Variants in WWOX observed in about 807,000 individuals in gnomAD.
The protein encoded by WWOX is WW domain containing oxidoreductase.
WWOX carries 69 observed loss-of-function variants against 46.2 expected under a neutral mutation model. That is an observed-to-expected ratio of 1.49 (90% CI 1.23 to 1.82). The LOEUF (loss-of-function observed/expected upper bound fraction) is 1.82. WWOX is among the 40% of genes most tolerant of loss of function. WWOX has a pLI of 0.00. For synonymous variants in WWOX, 359 were observed against 202.6 expected, an observed-to-expected ratio of 1.77 and a Z score of -6.56; for missense variants, 919 against 542.6, an observed-to-expected ratio of 1.69 and a Z score of -6.89.
chr16:78,946,735 G>A (rs978503224), intron 8 of WWOX, among the ~76,000 whole-genome samples: 1 of 151,834 alleles, frequency 6.6e-6, no homozygotes, highest in African/African-American at 2.4e-5. Context: ...GAGTCATGCG[G>A]GCCATATGGA....
chr16:79,155,712 C>T (rs1263579450), intron 8 of WWOX, among the ~76,000 whole-genome samples: 2 of 152,140 alleles, frequency 1.3e-5, no homozygotes, highest in African/African-American at 4.8e-5. Flanking sequence ...CTCAATTCTA[C>T]ATTCCTAAGA....
intron 8 of WWOX, among the ~76,000 whole-genome samples, chr16:78,657,941 T>C (rs2047118588): frequency 6.6e-6 from 1 of 152,188 alleles, no homozygotes; most frequent in Admixed American, 6.5e-5. Flanking sequence ...TTACTTTTGT[T>C]CTCACCTTGG....
chr16:78,894,050 A>ATTATTATTAT, intron 8 of WWOX, among the ~76,000 whole-genome samples: 1 of 137,964 alleles, frequency 7.2e-6, no homozygotes, highest in East Asian at 2.4e-4. Flanking sequence ...TATTATTATT[A>ATTATTATTAT]TATTTTGAGA....
At chr16:78,261,148 C>A (rs1413976219) in intron 5 of WWOX, among the ~76,000 whole-genome samples, 1 of 150,576 alleles carries the variant, frequency 6.6e-6, no homozygotes, top group South Asian at 2.1e-4. Flanking sequence ...AACAACTTGA[C>A]ATTTTAGCAT....
At chr16:78,441,416 G>A (rs563562570) in intron 8 of WWOX, among the ~76,000 whole-genome samples, 1 of 152,130 alleles carries the variant, frequency 6.6e-6, no homozygotes, top group South Asian at 2.1e-4. Context: ...GGTAGGCAAG[G>A]GATTATAGTT....
intron 8 of WWOX, among the ~76,000 whole-genome samples, chr16:78,450,196 T>C (rs2083660205): frequency 6.6e-6 from 1 of 152,152 alleles, no homozygotes; most frequent in Non-Finnish European, 1.5e-5. Flanking sequence ...ATCAAGCTCT[T>C]TTTATGCTTC....
rs2050275290 is a variant in WWOX at position 79,151,374 on chromosome 16, G to A, written c.1057-60234G>A. Among the ~76,000 whole-genome samples, 6 of 152,280 alleles carry A rather than the reference G, an allele frequency of 3.9e-5. No individual in the cohort carries two copies. The South Asian group carries it at 1.2e-3, about 32-fold the overall frequency. On this transcript the variant is annotated intron_variant, in intron 8 of 8. Transcript: ENST00000566780. ...TTGTGTGGATTCCCCCAAATCCGTA[G>A]GCTCTTATTTCCTAGACATGAAGAG...
chr16:78,614,993 T>G (rs1327501888), intron 8 of WWOX, among the ~76,000 whole-genome samples: 1 of 152,162 alleles, frequency 6.6e-6, no homozygotes, highest in African/African-American at 2.4e-5. Flanking sequence ...CTGGGCTGTG[T>G]TATATACAGC....
chr16:78,248,520 G>C (rs2037887966), intron 5 of WWOX, among the ~76,000 whole-genome samples: 1 of 152,164 alleles, frequency 6.6e-6, no homozygotes, highest in Non-Finnish European at 1.5e-5. Flanking sequence ...TGGATTGCTT[G>C]AGCTCAGTCG....
intron 8 of WWOX, among the ~76,000 whole-genome samples, chr16:78,448,365 A>G (rs1157011241): frequency 6.6e-6 from 1 of 152,228 alleles, no homozygotes; most frequent in Non-Finnish European, 1.5e-5. Context: ...GGTTAATACA[A>G]TGCACATTCA....
intron 8 of WWOX, among the ~76,000 whole-genome samples, chr16:78,683,552 T>C (rs1232423621): frequency 1.2e-5 from 1 of 85,902 alleles, no homozygotes; most frequent in Non-Finnish European, 3.0e-5. Flanking sequence ...AAAAAAATAA[T>C]AAAAATAATA....
intron 8 of WWOX, chr16:78,895,423 A>C (rs1055714654): frequency 6.6e-6 from 1 of 152,238 alleles, no homozygotes; most frequent in Non-Finnish European, 1.5e-5. Flanking sequence ...TCAAAACATC[A>C]TGCTTCTTTC....
In WWOX at chr16:78,498,052, G is replaced by T. The variant is rs556796233; in HGVS notation, c.1056+65300G>T. Among the ~76,000 whole-genome samples, 758 of 151,804 alleles carry T rather than the reference G, an allele frequency of 5.0e-3. 7 individuals carry two copies. Among genetic ancestry groups the T allele is most frequent in the African/African-American group, 0.018 (733 of 41,406 alleles). On this transcript the variant is annotated intron_variant, in intron 8 of 8. Transcript: ENST00000566780. Reference sequence around the variant, plus strand: ...GCTGTCTCTACTAAAAATACAAAAAGAAATTAGCTGTGCGTGGTGGCGGGC... The same window carrying T: ...GCTGTCTCTACTAAAAATACAAAAATAAATTAGCTGTGCGTGGTGGCGGGC...
At chr16:78,619,142 A>T (rs61196871) in intron 8 of WWOX, among the ~76,000 whole-genome samples, 1,022 of 9,040 alleles carry the variant, frequency 0.11, 210 homozygotes, top group South Asian at 0.15. Context: ...CTAAAAAAAA[A>T]ATATATATAT....
rs147875223 is a variant in WWOX at position 79,012,041 on chromosome 16, G to A, written c.1057-199567G>A. Among the ~76,000 whole-genome samples, 4 of 152,248 alleles carry A rather than the reference G, an allele frequency of 2.6e-5. No homozygotes were observed. The East Asian group carries it at 5.8e-4, about 22-fold the overall frequency. On this transcript the variant is annotated intron_variant, in intron 8 of 8. Transcript: ENST00000566780. ...TAGTTCAGGGATCCCTCTGGCTACTGTGTTGAGAATAAAGTGTCAAAGCCA... is the reference window on the plus strand; with the variant it reads ...TAGTTCAGGGATCCCTCTGGCTACTATGTTGAGAATAAAGTGTCAAAGCCA...
intron 5 of WWOX, among the ~76,000 whole-genome samples, chr16:78,258,908 T>G (rs1230430781): frequency 6.6e-6 from 1 of 152,152 alleles, no homozygotes; most frequent in Non-Finnish European, 1.5e-5. Context: ...TTTACAGAGT[T>G]CACTTCCCTG....
chr16:78,761,287 G>A (rs886949321), intron 8 of WWOX, among the ~76,000 whole-genome samples: 4 of 152,090 alleles, frequency 2.6e-5, no homozygotes, highest in African/African-American at 4.8e-5. Flanking sequence ...CCAAGAAGTC[G>A]GATCTGCTTG....
intron 5 of WWOX, among the ~76,000 whole-genome samples, chr16:78,193,476 C>A (rs1261992753): frequency 3.1e-5 from 1 of 32,146 alleles, no homozygotes; most frequent in Admixed American, 2.5e-4. Flanking sequence ...TTCTGAGAAT[C>A]AAACCGGTGG....
Position 78,739,808 on chromosome 16 carries a change from C to G in WWOX, c.1056+307056C>G, listed in dbSNP as rs188541089. On this transcript the variant is annotated intron_variant, in intron 8 of 8. Coordinates refer to ENST00000566780, the MANE Select transcript of WWOX (RefSeq NM_016373.4). The stretch of plus-strand genomic sequence containing the variant: ...CCTGGGCAACAGGGAGAGATTCCAT[C>G]TCAAAAAACAAACAAACAAACAAAC... Among the ~76,000 whole-genome samples the G allele has an allele frequency of 3.3e-5, 5 of 152,190 alleles. No homozygotes were observed. The East Asian group carries it at 9.7e-4, about 30-fold the overall frequency.
Sources: gnomAD v4.1 joint callset for allele counts (sites outside exome capture counted in the v4.1 genomes callset) on GRCh38, gnomAD v4.1.1 for gene constraint, MANE v1.5 for transcripts, NCBI Gene and HGNC (gene_info 2026-07-23, HGNC 2026-07-21) for gene names.